The following SPECC1 variants were observed in gnomAD, a reference collection of about 807,000 sequenced individuals.
The protein encoded by SPECC1 is cytospin-B.
In SPECC1, 62 loss-of-function variants were observed where a neutral mutation model predicts 104.1. The ratio of observed to expected loss-of-function variants is 0.60; its 90% CI spans 0.49 to 0.74. SPECC1 has a LOEUF of 0.74. Ranked by LOEUF, SPECC1 falls within the 30% of genes least tolerant of loss-of-function variation. The pLI, the probability that SPECC1 is intolerant of heterozygous loss-of-function variation, is 0.00. For missense variants in SPECC1, 1,306 were observed against 1,310.5 expected (o/e 1.00, Z 0.05); for synonymous variants, 513 against 501.6 (o/e 1.02, Z -0.30).
At chr17:20,185,190 G>A (rs1448969802) in intron 3 of SPECC1, 1 of 152,276 alleles carries the variant, frequency 6.6e-6, no homozygotes, top group Non-Finnish European at 1.5e-5. Context: ...AGCTGAGGCT[G>A]TGACTCTCCC....
In SPECC1 at chr17:20,317,258, A is replaced by ATTTTTTTTTTTTTTTTTTTTTT. The variant is rs1173603591; in HGVS notation, c.*3193_*3194insTTTTTTTTTTTTTTTTTTTTTT. On this transcript the variant is annotated 3_prime_UTR_variant, in exon 15 of 15. Transcript: ENST00000395527. ...GGCAAGACCTCTGACTCTATAAAAA[A>ATTTTTTTTTTTTTTTTTTTTTT]ATTTTTTTTTTTTTTTTTTTTTGAG... 5.4e-5 allele frequency: 2 copies of ATTTTTTTTTTTTTTTTTTTTTT among 37,372 alleles called. No individual in the cohort carries two copies. The highest frequency in any genetic ancestry group is 4.9e-4 in the African/African-American group (2 of 4,042). The allele number at this position is 37,372 out of a possible 1,614,324, so 2.3% of individuals were successfully genotyped here. A position where few individuals can be genotyped will look rare whatever the true frequency, so the allele number is the denominator to read the frequency against.
At chr17:20,152,843 T>C (rs1005982499) in intron 3 of SPECC1, among the ~76,000 whole-genome samples, 2 of 152,096 alleles carry the variant, frequency 1.3e-5, no homozygotes, top group Non-Finnish European at 2.9e-5. Flanking sequence ...AATTTTTGTA[T>C]TTTTGGTAGA....
intron 10 of SPECC1, among the ~76,000 whole-genome samples, chr17:20,253,843 T>A (rs1251894075): frequency 6.6e-6 from 1 of 152,074 alleles, no homozygotes; most frequent in Non-Finnish European, 1.5e-5. Context: ...TTTCTTTTCC[T>A]TTTTTCAGAG....
chr17:20,232,559 A>G, intron 7 of SPECC1, 154 bp downstream of exon 7: 2 of 831,812 alleles, frequency 2.4e-6, no homozygotes, highest in Admixed American at 2.7e-5. Context: ...CACTAGGAAC[A>G]TTCTGTACAG....
chr17:20,247,549 T>C (rs563674313), intron 9 of SPECC1, among the ~76,000 whole-genome samples: 6 of 152,342 alleles, frequency 3.9e-5, no homozygotes, highest in Admixed American at 3.9e-4. Flanking sequence ...TTATCTCTTG[T>C]CTGTAACACT....
At chr17:20,040,891 G>T (rs888375251) in intron 1 of SPECC1, among the ~76,000 whole-genome samples, 1 of 151,956 alleles carries the variant, frequency 6.6e-6, no homozygotes, top group Non-Finnish European at 1.5e-5. Context: ...ATTATTTTTT[G>T]AATACGTTTC....
At chr17:20,308,201 A>C (rs1398088319) in intron 14 of SPECC1, among the ~76,000 whole-genome samples, 3 of 152,060 alleles carry the variant, frequency 2.0e-5, no homozygotes, top group African/African-American at 7.2e-5. Flanking sequence ...CAGCCTGGCC[A>C]ACATTGTGAA....
intron 4 of SPECC1, among the ~76,000 whole-genome samples, chr17:20,217,414 G>A (rs748898998): frequency 1.2e-4 from 19 of 152,076 alleles, no homozygotes; most frequent in Non-Finnish European, 2.4e-4. Context: ...CCCCCATGCC[G>A]AGTTACCTAG....
chr17:20,069,303 G>A (rs943403323), intron 1 of SPECC1, among the ~76,000 whole-genome samples: 1 of 152,146 alleles, frequency 6.6e-6, no homozygotes, highest in Non-Finnish European at 1.5e-5. Context: ...TTTTATGGCT[G>A]CATGTCCTTT....
chr17:20,235,563 A>G (rs943309418), intron 7 of SPECC1, among the ~76,000 whole-genome samples: 1 of 152,172 alleles, frequency 6.6e-6, no homozygotes, highest in African/African-American at 2.4e-5. Context: ...AAGCTTTCTA[A>G]TGAAAGACAT....
intron 1 of SPECC1, among the ~76,000 whole-genome samples, chr17:20,063,444 T>G (rs1466583548): frequency 6.6e-6 from 1 of 152,206 alleles, no homozygotes; most frequent in Non-Finnish European, 1.5e-5. Context: ...TTGCCAGAGG[T>G]TCTATCTTGT....
intron 3 of SPECC1, among the ~76,000 whole-genome samples, chr17:20,173,355 ATGGTT>A (rs1337904507): frequency 1.3e-5 from 2 of 152,228 alleles, no homozygotes; most frequent in East Asian, 3.8e-4. Context: ...CAACATTAAG[ATGGTT>A]TTATTATCTG....
chr17:20,267,376 C>G (rs572375182), intron 12 of SPECC1, among the ~76,000 whole-genome samples: 1 of 152,266 alleles, frequency 6.6e-6, no homozygotes, highest in Admixed American at 6.5e-5. Flanking sequence ...GAGAGATTTC[C>G]ATTTGTAATT....
Position 20,075,522 on chromosome 17 carries a change from G to C in SPECC1, c.-21-21109G>C, listed in dbSNP as rs1009625470. ...AACTGTTAAAATTTCTGGATTTTTT[G>C]CTGGGTGCAGTGGCTTGCACCTGAA... On this transcript the variant is annotated intron_variant, in intron 1 of 14. Coordinates refer to ENST00000395527, the MANE Select transcript of SPECC1 (RefSeq NM_001243439.2). Among the ~76,000 whole-genome samples the C allele has an allele frequency of 3.9e-5, 6 of 152,214 alleles. No homozygotes were observed. In the East Asian group the frequency reaches 9.6e-4, roughly 24 times the overall value.
At chr17:20,127,438 T>A (rs2049369775) in intron 3 of SPECC1, among the ~76,000 whole-genome samples, 1 of 57,370 alleles carries the variant, frequency 1.7e-5, no homozygotes, top group South Asian at 4.1e-4. Flanking sequence ...TCAGGTCATC[T>A]TTTTTTTTTT....
intron 3 of SPECC1, among the ~76,000 whole-genome samples, chr17:20,195,560 ATTTT>A (rs35368324): frequency 7.1e-6 from 1 of 140,306 alleles, no homozygotes. Flanking sequence ...ATAAAACCCA[ATTTT>A]TTTTTTTTTT....
At chr17:20,235,614 T>C (rs533042934) in intron 7 of SPECC1, among the ~76,000 whole-genome samples, 1 of 152,322 alleles carries the variant, frequency 6.6e-6, no homozygotes, top group Admixed American at 6.5e-5. Context: ...TCAAGCAGCA[T>C]CAGGGAAAGA....
At chr17:20,112,512 C>T in intron 3 of SPECC1, 1 of 770,576 alleles carries the variant, frequency 1.3e-6, no homozygotes, top group Admixed American at 1.7e-5. Flanking sequence ...GCTGATCTTT[C>T]TCATTTGGAC....
At chr17:20,236,188 T>A (rs2038900546) in intron 7 of SPECC1, among the ~76,000 whole-genome samples, 1 of 152,156 alleles carries the variant, frequency 6.6e-6, no homozygotes, top group African/African-American at 2.4e-5. Context: ...CTTAAGCAGT[T>A]TCTGAACAGA....
Sources: gnomAD v4.1 joint callset for allele counts (sites outside exome capture counted in the v4.1 genomes callset) on GRCh38, gnomAD v4.1.1 for gene constraint, MANE v1.5 for transcripts, NCBI Gene and HGNC (gene_info 2026-07-23, HGNC 2026-07-21) for gene names.